Variants in DHX30 observed in about 807,000 individuals in gnomAD.
DHX30 encodes the protein DExH-box helicase 30.
In DHX30, 4 loss-of-function variants were observed where a neutral mutation model predicts 116.9. The ratio of observed to expected loss-of-function variants is 0.03; its 90% CI spans 0.02 to 0.08. DHX30 has a LOEUF of 0.08. DHX30 is among the 10% of genes least tolerant of loss of function. The pLI, the probability that DHX30 is intolerant of heterozygous loss-of-function variation, is 1.00. For synonymous variants in DHX30, 697 were observed against 651.7 expected (o/e 1.07, Z -1.06); for missense variants, 871 against 1,595.1 (o/e 0.55, Z 7.73).
chr3:47,825,395 C>T (rs1239349316), intron 4 of DHX30: 3 of 525,050 alleles, frequency 5.7e-6, no homozygotes, highest in African/African-American at 2.0e-5. Flanking sequence ...GGGCAGCGGC[C>T]TTGCTGTTTG....
intron 3 of DHX30, 27 bp from the exon 4 acceptor site, chr3:47,817,995 G>C (rs1224533304): frequency 1.3e-6 from 1 of 780,982 alleles, no homozygotes; most frequent in South Asian, 1.3e-5. Flanking sequence ...AGAACATGTC[G>C]CCCTGATGCC....
At chr3:47,823,819 C>T (rs561956554) in intron 4 of DHX30, among the ~76,000 whole-genome samples, 106 of 152,266 alleles carry the variant, frequency 7.0e-4, no homozygotes, top group African/African-American at 2.5e-3. Context: ...ATTTTGGCTT[C>T]TTTAGAGGCA....
At chr3:47,845,674 A>T (rs550722288) in intron 9 of DHX30, 26 bp from the exon 10 acceptor site, 3 of 1,561,780 alleles carry the variant, frequency 1.9e-6, no homozygotes, top group Non-Finnish European at 2.6e-6. Context: ...CAGAGCATAG[A>T]CTGAGTCTTG....
chr3:47,815,964 A>G (rs1449927132), intron 3 of DHX30: 3 of 982,090 alleles, frequency 3.1e-6, no homozygotes, highest in African/African-American at 3.6e-5. Context: ...TCAATCCAGC[A>G]TCCCTGGATG....
intron 6 of DHX30, among the ~76,000 whole-genome samples, chr3:47,836,001 A>G (rs1303306747): frequency 6.6e-6 from 1 of 152,234 alleles, no homozygotes; most frequent in Non-Finnish European, 1.5e-5. Context: ...CTTACAGTAC[A>G]CAGGACAGCC....
intron 1 of DHX30, among the ~76,000 whole-genome samples, chr3:47,804,554 T>TCAAAA (rs918464285): frequency 1.1e-4 from 16 of 152,146 alleles, no homozygotes; most frequent in Non-Finnish European, 1.8e-4. Context: ...AAACTCCTTC[T>TCAAAA]CAAAACAAAA....
At chr3:47,845,481 C>G (rs2037564999) in intron 9 of DHX30, 1 of 468,020 alleles carries the variant, frequency 2.1e-6, no homozygotes, top group Non-Finnish European at 3.4e-6. Context: ...GCCACCGCGC[C>G]CGGCCTGAAT....
intron 6 of DHX30, among the ~76,000 whole-genome samples, chr3:47,835,938 G>A (rs896752473): frequency 1.4e-4 from 21 of 152,220 alleles, no homozygotes; most frequent in Non-Finnish European, 2.6e-4. Context: ...GGACACAGGT[G>A]GAGGAGTGCT....
intron 3 of DHX30, among the ~76,000 whole-genome samples, chr3:47,813,018 C>A (rs961173414): frequency 6.7e-6 from 1 of 150,130 alleles, no homozygotes; most frequent in Non-Finnish European, 1.5e-5. Context: ...ATATCAAAGT[C>A]ATTCTTTCGT....
intron 6 of DHX30, among the ~76,000 whole-genome samples, chr3:47,833,011 C>G (rs2107062502): frequency 7.2e-6 from 1 of 137,998 alleles, no homozygotes; most frequent in South Asian, 2.3e-4. Context: ...TCTTGAACTT[C>G]TGGGCTCCAG....
At chr3:47,842,844 G>A (rs1037284445) in intron 8 of DHX30, among the ~76,000 whole-genome samples, 8 of 152,240 alleles carry the variant, frequency 5.3e-5, no homozygotes, top group African/African-American at 1.9e-4. Context: ...AGTGGGCTAG[G>A]AGGGCAGGTG....
At chr3:47,815,046 C>G (rs1024788220) in intron 3 of DHX30, among the ~76,000 whole-genome samples, 2 of 151,904 alleles carry the variant, frequency 1.3e-5, no homozygotes, top group African/African-American at 2.4e-5. Context: ...TTACATGTTT[C>G]TTTGCTCTTC....
At chr3:47,844,060 A>T (rs2037495522) in intron 9 of DHX30, among the ~76,000 whole-genome samples, 2 of 152,100 alleles carry the variant, frequency 1.3e-5, no homozygotes, top group Non-Finnish European at 2.9e-5. Flanking sequence ...AGTGGGAGGG[A>T]GTTGGGATTG....
rs2035974985 is a variant in DHX30, at chr3:47,814,800, G to A, written c.29-3222G>A. On this transcript the variant is annotated intron_variant, in intron 3 of 21. Coordinates refer to ENST00000445061, the MANE Select transcript of DHX30 (RefSeq NM_138615.3). The stretch of plus-strand genomic sequence containing the variant: ...CTCCTAAAGTGTTGGGATTACAGGT[G>A]TGAACCACCACGCCCGGCCGTTTTT... 2.6e-5 allele frequency among the ~76,000 whole-genome samples: 4 copies of A among 152,126 alleles called. No individual in the cohort carries two copies. The South Asian group carries it at 8.3e-4, about 32-fold the overall frequency.
rs71070236 is a variant in DHX30 at position 47,833,537 on chromosome 3, C to CAAAAAA, written c.366+4419_366+4424dup. 7.9e-4 allele frequency among the ~76,000 whole-genome samples: 49 copies of CAAAAAA among 61,890 alleles called. 1 individual carries two copies. The highest frequency in any genetic ancestry group is 1.0e-3 in the Non-Finnish European group (37 of 35,670). The allele number at this position is 61,890 out of a possible 152,430, so 40.6% of individuals were successfully genotyped here. A position where few individuals can be genotyped will look rare whatever the true frequency, so the allele number is the denominator to read the frequency against. ...GCAAAGCAGGACTCTCTCTCTCTCTCAAAAAAAAAAAAAAAAAAAAAGAAA... is the reference window on the plus strand; with the variant it reads ...GCAAAGCAGGACTCTCTCTCTCTCTCAAAAAAAAAAAAAAAAAAAAAAAAAAAGAAA... On this transcript the variant is annotated intron_variant, in intron 6 of 21. Transcript: ENST00000445061.
intron 6 of DHX30, among the ~76,000 whole-genome samples, chr3:47,837,082 C>T (rs1337252620): frequency 8.3e-6 from 1 of 120,944 alleles, no homozygotes; most frequent in African/African-American, 2.8e-5. Context: ...TAAATGCACC[C>T]CAGCCTCCTA....
At chr3:47,819,078 G>A in intron 4 of DHX30, 1 of 510,848 alleles carries the variant, frequency 2.0e-6, no homozygotes, top group Non-Finnish European at 3.4e-6. Context: ...TCCTGCTGCT[G>A]CGGCCCTGAC....
intron 6 of DHX30, among the ~76,000 whole-genome samples, chr3:47,839,689 GTTTGTTTT>G (rs1212982454): frequency 6.7e-6 from 1 of 149,242 alleles, no homozygotes; most frequent in African/African-American, 2.5e-5. Flanking sequence ...TTGTTTGTTT[GTTTGTTTT>G]TTTGTGGAGT....
chr3:47,814,600 A>G (rs2035966147), intron 3 of DHX30, among the ~76,000 whole-genome samples: 1 of 151,964 alleles, frequency 6.6e-6, no homozygotes, highest in Non-Finnish European at 1.5e-5. Context: ...TATTTTTAGC[A>G]AGCTCCACCT....
Sources: gnomAD v4.1 joint callset for allele counts (sites outside exome capture counted in the v4.1 genomes callset) on GRCh38, gnomAD v4.1.1 for gene constraint, MANE v1.5 for transcripts, NCBI Gene and HGNC (gene_info 2026-07-23, HGNC 2026-07-21) for gene names.